The following DHX37 variants were observed in gnomAD, a reference collection of about 807,000 sequenced individuals.
DHX37 encodes DEAH-box helicase 37.
A neutral mutation model predicts 134.3 loss-of-function variants in DHX37; 52 were observed. The observed-to-expected ratio is 0.39, with a 90% CI of 0.31 to 0.49. The LOEUF (loss-of-function observed/expected upper bound fraction) is 0.49, where lower values mean the gene tolerates loss of function less well. Ranked by LOEUF, DHX37 falls within the 20% of genes least tolerant of loss-of-function variation. DHX37 has a pLI of 0.93. For synonymous variants in DHX37, 634 were observed against 670.7 expected (o/e 0.95, Z 0.85); for missense variants, 1,344 against 1,580.8 (o/e 0.85, Z 2.54).
chr12:124,953,704 G>A, intron 20 of DHX37, 176 bp downstream of exon 20: 1 of 1,153,522 alleles, frequency 8.7e-7, no homozygotes, highest in Non-Finnish European at 1.2e-6. Flanking sequence ...CCCTGCTCAT[G>A]TGCACATTCC....
At chr12:124,969,098 C>A (rs1353338496) in intron 8 of DHX37, 130 bp from the exon 9 acceptor site, 17 of 843,262 alleles carry the variant, frequency 2.0e-5, no homozygotes, top group Non-Finnish European at 3.1e-5. Flanking sequence ...TTTCTGGATG[C>A]CAAAGGCTCC....
rs1041152181 is a variant in DHX37 at position 124,954,366 on chromosome 12, C to T, written c.2454-155G>A. On this transcript the variant is annotated intron_variant, in intron 18 of 26. Transcript: ENST00000308736. ...TATTAAGGTCCAGCTCAAAATTCAC[C>T]ATTGGCAGCCACCGCTGCACTGTTG... is the stretch of plus-strand genomic sequence containing the variant. 23 of 757,230 alleles carry T rather than the reference C, an allele frequency of 3.0e-5. No homozygotes were observed. In the African/African-American group the frequency reaches 4.2e-4, roughly 14 times the overall value. 46.9% of individuals were successfully genotyped at this position (757,230 alleles called of 1,614,324 possible).
In DHX37 at chr12:124,957,062, A is replaced by G; in HGVS notation, c.2231T>C (p.Leu744Pro). 6.6e-7 allele frequency: 1 copy of G among 1,508,212 alleles called. No homozygotes were observed. Among genetic ancestry groups the G allele is most frequent in the Middle Eastern group, 1.8e-4 (1 of 5,586 alleles). The allele number at this position is 1,508,212 out of a possible 1,614,324, so 93.4% of individuals were successfully genotyped here. The change falls in exon 17 of 27, where the codon CTG becomes CCG. Residue 744 changes from leucine (L) to proline (P), a missense_variant. Leu to Pro is a moderately conservative substitution (Grantham distance 98). Coordinates refer to ENST00000308736, the MANE Select transcript of DHX37 (RefSeq NM_032656.4). ...LLAAEELLIA[L>P]GALQPPQKAE... Reference sequence around the variant, plus strand: ...TTTCTGGGGCGGTTGCAGGGCACCCAGTGCGATCAACAGCTCCTCGGCGGC... The same window carrying G: ...TTTCTGGGGCGGTTGCAGGGCACCCGGTGCGATCAACAGCTCCTCGGCGGC...
At position 124,980,015 on chromosome 12, in the gene DHX37, A is replaced by C. The variant is rs979040247; in HGVS notation, c.738+475T>G. On this transcript the variant is annotated intron_variant, in intron 4 of 26. Transcript: ENST00000308736. The surrounding 1 kb of genome is among the most constrained non-coding windows in gnomAD (Gnocchi z 5.3). Reference sequence around the variant, plus strand: ...CCATGCCCCAAATCCTTTCATTGTCATCACAACCCAGTGAGACACTCATTG... The same window carrying C: ...CCATGCCCCAAATCCTTTCATTGTCCTCACAACCCAGTGAGACACTCATTG... 1.3e-5 allele frequency among the ~76,000 whole-genome samples: 2 copies of C among 152,232 alleles called. No individual in the cohort carries two copies. The highest frequency in any genetic ancestry group is 4.8e-5 in the African/African-American group (2 of 41,454).
At chr12:124,973,746 A>G (rs926851728) in intron 6 of DHX37, among the ~76,000 whole-genome samples, 4 of 147,272 alleles carry the variant, frequency 2.7e-5, no homozygotes, top group Non-Finnish European at 4.4e-5. Context: ...GGTTCAAGGG[A>G]TTCTTCTGCC....
rs189561332 is a variant in DHX37 at position 124,963,598 on chromosome 12, G to A, written c.2045+796C>T. Among the ~76,000 whole-genome samples the A allele has an allele frequency of 7.9e-5, 12 of 152,166 alleles. No homozygotes were observed. The East Asian group carries it at 1.7e-3, about 22-fold the overall frequency. On this transcript the variant is annotated intron_variant, in intron 15 of 26. Coordinates refer to ENST00000308736, the MANE Select transcript of DHX37 (RefSeq NM_032656.4). ...GAATAAAGAAACAGTGGCCGGGCACGGTGGCTCACGCCTGTGATCCCAACA... is the reference window on the plus strand; with the variant it reads ...GAATAAAGAAACAGTGGCCGGGCACAGTGGCTCACGCCTGTGATCCCAACA...
In DHX37 at chr12:124,967,190, C is replaced by G. The variant is rs903747790; in HGVS notation, c.1437G>C (p.Gln479His). ...AGGILVFLTG[Q>H]AEVHALCRRL... The stretch of plus-strand genomic sequence containing the variant: ...TGCGGCACAGCGCATGCACCTCAGC[C>G]TGCCCCGTCAGGAACACCAGGATGC... Residue 479 changes from glutamine (Q) to histidine (H), a missense_variant, in exon 11 of 27, where the codon CAG (glutamine) becomes CAC (histidine). This residue lies in a region of DHX37 where 289 missense variants were observed against 323.8 expected (regional missense o/e 0.89). Transcript: ENST00000308736. The G allele has an allele frequency of 2.5e-6, 4 of 1,613,842 alleles. No individual in the cohort carries two copies. The African/African-American group carries it at 4.0e-5, about 16-fold the overall frequency.
Position 124,980,365 on chromosome 12 carries a change from C to T in DHX37, c.738+125G>A, listed in dbSNP as rs551410362. ...CTCAAGGGAGGCGCAGTCACTCTCC[C>T]CTTTCCCAGATGGGGACATGGAGGC... On this transcript the variant is annotated intron_variant, in intron 4 of 26. Coordinates refer to ENST00000308736, the MANE Select transcript of DHX37 (RefSeq NM_032656.4). This position sits in a 1 kb window ranked among gnomAD's most constrained non-coding sequence, Gnocchi z 5.3. 7.2e-6 allele frequency: 8 copies of T among 1,115,368 alleles called. No individual in the cohort carries two copies. The highest frequency in any genetic ancestry group is 5.9e-5 in the Admixed American group (2 of 34,068). 69.1% of individuals were successfully genotyped at this position (1,115,368 alleles called of 1,614,324 possible). A position where few individuals can be genotyped will look rare whatever the true frequency, so the allele number is the denominator to read the frequency against.
At chr12:124,986,960 G>T (rs114140766) in intron 1 of DHX37, among the ~76,000 whole-genome samples, 3,629 of 152,010 alleles carry the variant, frequency 0.024, 126 homozygotes, top group African/African-American at 0.082. Context: ...TTAGCCAGGC[G>T]GTCTCGAACT....
Position 124,953,929 on chromosome 12 carries a change from G to A in DHX37, c.2646C>T (p.Tyr882=). 6.2e-7 allele frequency: 1 copy of A among 1,613,038 alleles called. No individual in the cohort carries two copies. The highest frequency in any genetic ancestry group is 8.5e-7 in the Non-Finnish European group (1 of 1,179,822). Reference sequence around the variant, plus strand: ...GGCGCCGGATCTCCATCATGGCTTTGTACCGCAGCCCGTTGGCTTCGCAAA... The same window carrying A: ...GGCGCCGGATCTCCATCATGGCTTTATACCGCAGCCCGTTGGCTTCGCAAA... ...PQFCEANGLR[Y]KAMMEIRRLR... Residue 882 remains tyrosine, a synonymous_variant, in exon 20 of 27, where the codon TAC becomes TAT. Transcript: ENST00000308736.
At position 124,947,806 on chromosome 12, in the gene DHX37, T is replaced by A. The variant is rs746251397; in HGVS notation, c.3470A>T (p.His1157Leu). Reference sequence around the variant, plus strand: ...GCCCTGCAGCCAGGTTTCTGGTCAGTGGACAGTGGTGGGGGGCCAGGCTTT... The same window carrying A: ...GCCCTGCAGCCAGGTTTCTGGTCAGAGGACAGTGGTGGGGGGCCAGGCTTT... ...IEKAWPPTTV[H>L] Residue 1157 changes from histidine (H) to leucine (L), a missense_variant, in exon 27 of 27, where the codon CAC becomes CTC. Transcript: ENST00000308736. 1 of 1,576,858 alleles carries A rather than the reference T, an allele frequency of 6.3e-7. No individual in the cohort carries two copies. Among genetic ancestry groups the A allele is most frequent in the East Asian group, 2.2e-5 (1 of 44,574 alleles).
At position 124,961,313 on chromosome 12, in the gene DHX37, CACTT is replaced by C. The variant is rs570385995; in HGVS notation, c.2046-894_2046-891del. 9.8e-3 allele frequency among the ~76,000 whole-genome samples: 1,431 copies of C among 146,658 alleles called. 24 individuals carry two copies. The highest frequency in any genetic ancestry group is 0.035 in the African/African-American group (1,320 of 37,586). On this transcript the variant is annotated intron_variant, in intron 15 of 26. Transcript: ENST00000308736. ...TTACACGCGTGCACGCACGCACACA[CACTT>C]ACATACACACGTGCACGCACACACA...
At chr12:124,983,208 ACGC>A (rs1954790031) in intron 2 of DHX37, among the ~76,000 whole-genome samples, 1 of 152,080 alleles carries the variant, frequency 6.6e-6, no homozygotes, top group Non-Finnish European at 1.5e-5. Flanking sequence ...TCCTGGGTTC[ACGC>A]CATTCTCCTG....
chr12:124,947,626 C>A lies in DHX37; in HGVS notation c.*176G>T. The A allele has an allele frequency of 1.3e-6, 1 of 775,024 alleles. No individual in the cohort carries two copies. Among genetic ancestry groups the A allele is most frequent in the South Asian group, 2.2e-5 (1 of 44,798 alleles). The allele number at this position is 775,024 out of a possible 1,614,324, so 48.0% of individuals were successfully genotyped here. A position where few individuals can be genotyped will look rare whatever the true frequency, so the allele number is the denominator to read the frequency against. ...TCACCCCCGGGCCAGATGGCACGGG[C>A]GGCAGCACCCTTCATACGGGATCGA... is the stretch of plus-strand genomic sequence containing the variant. On this transcript the variant is annotated 3_prime_UTR_variant, in exon 27 of 27. Transcript: ENST00000308736.
At position 124,962,883 on chromosome 12, in the gene DHX37, A is replaced by C. The variant is rs567309330; in HGVS notation, c.2045+1511T>G. On this transcript the variant is annotated intron_variant, in intron 15 of 26. Coordinates refer to ENST00000308736, the MANE Select transcript of DHX37 (RefSeq NM_032656.4). ...TGCTGGTGAGGACGTGAAGAAACTG[A>C]AACCCTCATTCACTGTTGGTAGGCA... is the stretch of plus-strand genomic sequence containing the variant. Among the ~76,000 whole-genome samples the C allele has an allele frequency of 1.3e-3, 198 of 152,266 alleles. 1 individual carries two copies. The highest frequency in any genetic ancestry group is 4.5e-3 in the African/African-American group (186 of 41,550).
intron 15 of DHX37, among the ~76,000 whole-genome samples, chr12:124,963,568 T>C (rs528240049): frequency 3.3e-5 from 5 of 152,140 alleles, no homozygotes; most frequent in African/African-American, 1.2e-4. Flanking sequence ...CTGACCTCAG[T>C]AGCAGAATAA....
chr12:124,983,784 C>CG (rs1449982631), intron 2 of DHX37, among the ~76,000 whole-genome samples: 1 of 114,486 alleles, frequency 8.7e-6, no homozygotes, highest in Non-Finnish European at 1.9e-5. Context: ...GACCTTGTCT[C>CG]CAAAAAAAAA....
intron 6 of DHX37, 141 bp downstream of exon 6, chr12:124,975,278 G>T: frequency 1.2e-6 from 1 of 832,624 alleles, no homozygotes; most frequent in Non-Finnish European, 1.9e-6. Flanking sequence ...CTCACACAAT[G>T]ATTCCCAGTG....
chr12:124,966,520 A>G (rs927863360), intron 12 of DHX37, among the ~76,000 whole-genome samples: 2 of 152,068 alleles, frequency 1.3e-5, no homozygotes, highest in African/African-American at 4.8e-5. Context: ...GCGCCACTGC[A>G]CTGGATTAAT....
Sources: allele counts gnomAD v4.1 joint callset (sites outside exome capture counted in the v4.1 genomes callset), GRCh38; gene constraint gnomAD v4.1.1; regional missense constraint gnomAD v4.1.1; non-coding constraint Gnocchi (gnomAD v3.1); transcripts MANE v1.5; gene names NCBI Gene and HGNC (gene_info 2026-07-23, HGNC 2026-07-21).